The following MAPK10 variants were observed in gnomAD, a reference collection of about 807,000 sequenced individuals.
MAPK10 encodes the protein mitogen-activated protein kinase 10.
A neutral mutation model predicts 59.3 loss-of-function variants in MAPK10; 25 were observed. The ratio of observed to expected loss-of-function variants is 0.42; its 90% CI spans 0.31 to 0.59. The LOEUF (loss-of-function observed/expected upper bound fraction) is 0.59. Among genes scored for constraint, MAPK10 ranks in the 20% least tolerant of loss-of-function variants. The pLI, the probability that MAPK10 is intolerant of heterozygous loss-of-function variation, is 0.15. For synonymous variants in MAPK10, 190 were observed against 200.5 expected, an observed-to-expected ratio of 0.95 and a Z score of 0.44; for missense variants, 351 against 568.9, an observed-to-expected ratio of 0.62 and a Z score of 3.90.
At chr4:86,304,344 C>T (rs1277156456) in intron 2 of MAPK10, among the ~76,000 whole-genome samples, 1 of 149,690 alleles carries the variant, frequency 6.7e-6, no homozygotes, top group African/African-American at 2.5e-5. Flanking sequence ...TTAATCTATT[C>T]AAATCTGCAT....
chr4:86,411,812 C>G (rs1324990135), intron 1 of MAPK10, among the ~76,000 whole-genome samples: 2 of 152,086 alleles, frequency 1.3e-5, no homozygotes, highest in Non-Finnish European at 2.9e-5. Flanking sequence ...TGAGATGGCT[C>G]TCTTAAACAC....
chr4:86,454,806 TTA>T (rs1340005886), upstream of MAPK10, among the ~76,000 whole-genome samples: 2 of 152,024 alleles, frequency 1.3e-5, no homozygotes, highest in Non-Finnish European at 2.9e-5. Context: ...TGCAAAAAGG[TTA>T]TCACCTAGGC....
intron 3 of MAPK10, among the ~76,000 whole-genome samples, chr4:86,171,688 C>A (rs1290450531): frequency 6.6e-6 from 1 of 152,158 alleles, no homozygotes; most frequent in Non-Finnish European, 1.5e-5. Context: ...ATGCCTAAAA[C>A]ACCAAAAGCA....
chr4:86,363,411 C>T (rs536312902), upstream of MAPK10, among the ~76,000 whole-genome samples: 7 of 152,108 alleles, frequency 4.6e-5, no homozygotes, highest in Non-Finnish European at 8.8e-5. Flanking sequence ...TATTACTCAG[C>T]AATTAAAAAG....
chr4:86,058,228 ATTG>A (rs1310222659), intron 11 of MAPK10, among the ~76,000 whole-genome samples: 15 of 149,662 alleles, frequency 1.0e-4, no homozygotes, highest in African/African-American at 3.8e-4. Context: ...CTCCAGAGGA[ATTG>A]TGCTCCGTTC....
At chr4:86,366,241 G>C (rs575546294) in intron 1 of MAPK10, among the ~76,000 whole-genome samples, 1 of 152,178 alleles carries the variant, frequency 6.6e-6, no homozygotes, top group South Asian at 2.1e-4. Context: ...TGTGATAGGA[G>C]GAGGCAAACA....
intron 2 of MAPK10, among the ~76,000 whole-genome samples, chr4:86,331,991 T>C (rs74754643): frequency 0.01 from 1,543 of 152,294 alleles, 29 homozygotes; most frequent in African/African-American, 0.036. Context: ...CTGTCATTAA[T>C]TCCCTTTACA....
At chr4:86,448,084 G>A (rs1298924909) in intron 1 of MAPK10, among the ~76,000 whole-genome samples, 1 of 151,978 alleles carries the variant, frequency 6.6e-6, no homozygotes, top group East Asian at 1.9e-4. Flanking sequence ...ATGTTAATAT[G>A]TAAAGAGCCT....
intron 1 of MAPK10, among the ~76,000 whole-genome samples, chr4:86,410,625 T>A (rs1164339802): frequency 3.9e-5 from 6 of 152,232 alleles, no homozygotes; most frequent in Admixed American, 3.9e-4. Flanking sequence ...CCTGGTTTAG[T>A]CTTGGGAGTG....
intron 1 of MAPK10, among the ~76,000 whole-genome samples, chr4:86,460,668 A>G (rs552484205): frequency 3.0e-4 from 46 of 152,308 alleles, no homozygotes; most frequent in African/African-American, 9.4e-4. Flanking sequence ...GGCAAGCAAC[A>G]CCTGGCCCAC....
At chr4:86,312,194 A>G (rs540043539) in intron 2 of MAPK10, among the ~76,000 whole-genome samples, 15 of 152,254 alleles carry the variant, frequency 9.9e-5, no homozygotes, top group Admixed American at 5.9e-4. Flanking sequence ...TTCTAGTGAC[A>G]AGCAGCTTGT....
intron 11 of MAPK10, among the ~76,000 whole-genome samples, chr4:86,061,838 G>C (rs940776991): frequency 6.6e-6 from 1 of 151,942 alleles, no homozygotes; most frequent in South Asian, 2.1e-4. Context: ...CCAATTATTT[G>C]ATACTTCCAT....
chr4:86,346,833 G>C (rs1391980651), intron 2 of MAPK10, among the ~76,000 whole-genome samples: 3 of 151,072 alleles, frequency 2.0e-5, no homozygotes, highest in Admixed American at 2.0e-4. Context: ...CGTAGTTTTT[G>C]CTAAATATAT....
chr4:86,115,873 C>T (rs1232214540), intron 4 of MAPK10, among the ~76,000 whole-genome samples: 1 of 152,218 alleles, frequency 6.6e-6, no homozygotes, highest in Admixed American at 6.5e-5. Flanking sequence ...TTGTGCTGCT[C>T]TTACACTAAT....
intron 3 of MAPK10, among the ~76,000 whole-genome samples, chr4:86,176,623 A>G (rs879887678): frequency 1.4e-5 from 2 of 147,302 alleles, no homozygotes; most frequent in African/African-American, 5.3e-5. Context: ...CATTAACTAT[A>G]ATAACTACTT....
Position 86,159,437 on chromosome 4 carries a change from T to C in MAPK10, c.97A>G (p.Ile33Val). The change falls in exon 4 of 14, where the codon ATT (isoleucine) becomes GTT (valine). Residue 33 changes from isoleucine to valine, a missense_variant. Ile to Val is a conservative substitution (Grantham distance 29, BLOSUM62 3). This residue lies in a region of MAPK10 where 61 missense variants were observed against 58.4 expected (regional missense o/e 1.05). Transcript: ENST00000641462. The stretch of plus-strand genomic sequence containing the variant: ...TTGCTCATGTTGTAATGTTTGGCAA[T>C]ATATGACACATCCACTTGTTTATCG... ...GFDKQVDVSY[I>V]AKHYNMSKSK... is the part of the protein sequence containing the mutation. 3 of 1,611,594 alleles carry C rather than the reference T, an allele frequency of 1.9e-6. No individual in the cohort carries two copies. Among genetic ancestry groups the C allele is most frequent in the Non-Finnish European group, 2.5e-6 (3 of 1,178,568 alleles).
chr4:86,396,337 ACT>A (rs930689829), intron 1 of MAPK10, among the ~76,000 whole-genome samples: 1 of 151,984 alleles, frequency 6.6e-6, no homozygotes, highest in African/African-American at 2.4e-5. Flanking sequence ...AGAGTGCGAG[ACT>A]CTGTCTCAAA....
At position 86,410,723 on chromosome 4, in the gene MAPK10, G is replaced by A. The variant is rs914561716; in HGVS notation, c.-122+42307C>T. Among the ~76,000 whole-genome samples the A allele has an allele frequency of 3.9e-5, 6 of 152,108 alleles. No individual in the cohort carries two copies. In the East Asian group the frequency reaches 9.6e-4, roughly 24 times the overall value. ...TTATAGTATTCTGTGATGGTAGTTT[G>A]TATTTCTGTGGGATCGGTGGTGATA... is the stretch of plus-strand genomic sequence containing the variant. On this transcript the variant is annotated intron_variant, in intron 1 of 13. Transcript: ENST00000361569.
chr4:86,218,108 T>C (rs2088273771), intron 2 of MAPK10, among the ~76,000 whole-genome samples: 1 of 152,172 alleles, frequency 6.6e-6, no homozygotes, highest in African/African-American at 2.4e-5. Flanking sequence ...GAGGACTTTG[T>C]GAACAAAAAT....
Sources: allele counts gnomAD v4.1 joint callset (sites outside exome capture counted in the v4.1 genomes callset), GRCh38; gene constraint gnomAD v4.1.1; regional missense constraint gnomAD v4.1.1; transcripts MANE v1.5; gene names NCBI Gene and HGNC (gene_info 2026-07-23, HGNC 2026-07-21).